The following KMT2C variants were observed in gnomAD, a reference collection of about 807,000 sequenced individuals.
KMT2C encodes histone-lysine N-methyltransferase 2C.
A neutral mutation model predicts 507.9 loss-of-function variants in KMT2C; 88 were observed. The observed-to-expected ratio is 0.17, with a 90% CI of 0.15 to 0.21. KMT2C has a LOEUF of 0.21. Among genes scored for constraint, KMT2C ranks in the 10% least tolerant of loss-of-function variants. The pLI, the probability that KMT2C is intolerant of heterozygous loss-of-function variation, is 1.00. For missense variants in KMT2C, 4,954 were observed against 5,957.8 expected (o/e 0.83, Z 5.55); for synonymous variants, 2,049 against 2,080.8 (o/e 0.98, Z 0.42).
At chr7:152,363,646 G>A (rs1201842462) in intron 1 of KMT2C, among the ~76,000 whole-genome samples, 1 of 152,148 alleles carries the variant, frequency 6.6e-6, no homozygotes, top group Non-Finnish European at 1.5e-5. Flanking sequence ...CTACCACACA[G>A]AGATAGGAAC....
chr7:152,163,175 G>T lies in KMT2C; in HGVS notation c.10402C>A (p.Pro3468Thr), dbSNP rs148065717. 1.2e-6 allele frequency: 2 copies of T among 1,614,170 alleles called. No homozygotes were observed. Among genetic ancestry groups the T allele is most frequent in the East Asian group, 2.2e-5 (1 of 44,886 alleles). ...LPCDFMQPLG[P>T]LQQSPQHQQQ... ...TGGTGTTGTGGAGACTGCTGAAGGG[G>T]TCCTAGAGGTTGCATAAAATCACAA... The change falls in exon 43 of 59, where the codon CCC becomes ACC. Residue 3468 changes from proline to threonine, a missense_variant. Physicochemically the swap from Pro to Thr is conservative, Grantham distance 38. Coordinates refer to ENST00000262189, the MANE Select transcript of KMT2C (RefSeq NM_170606.3).
At chr7:152,371,486 AAG>A (rs1196841339) in intron 1 of KMT2C, among the ~76,000 whole-genome samples, 1 of 152,208 alleles carries the variant, frequency 6.6e-6, no homozygotes, top group Non-Finnish European at 1.5e-5. Flanking sequence ...ACAAACTTAC[AAG>A]AGTCAGAAAA....
chr7:152,431,531 G>C (rs566894507), intron 1 of KMT2C, among the ~76,000 whole-genome samples: 5 of 151,832 alleles, frequency 3.3e-5, no homozygotes, highest in Non-Finnish European at 7.4e-5. Context: ...ACTTGAACCT[G>C]GGAGGCGGAA....
At chr7:152,218,167 T>G (rs1469680915) in intron 23 of KMT2C, among the ~76,000 whole-genome samples, 2 of 152,042 alleles carry the variant, frequency 1.3e-5, no homozygotes, top group Non-Finnish European at 2.9e-5. Flanking sequence ...ATCTTTTCAT[T>G]TATTTATTTA....
At chr7:152,158,782 T>G in intron 44 of KMT2C, 81 bp downstream of exon 44, 1 of 1,310,658 alleles carries the variant, frequency 7.6e-7, no homozygotes, top group Non-Finnish European at 1.1e-6. Flanking sequence ...CCCAAAGTGC[T>G]GGGATTACAG....
At chr7:152,327,915 G>A (rs906048407) in intron 3 of KMT2C, among the ~76,000 whole-genome samples, 6 of 141,724 alleles carry the variant, frequency 4.2e-5, no homozygotes, top group Non-Finnish European at 6.0e-5. Context: ...CCAAGATCGC[G>A]CCACTGCATT....
rs560589892 is a variant in KMT2C, at chr7:152,304,454, TGA to T, written c.849+5510_849+5511del. Among the ~76,000 whole-genome samples, 69 of 152,310 alleles carry T rather than the reference TGA, an allele frequency of 4.5e-4. 1 individual carries two copies. The highest frequency in any genetic ancestry group is 2.0e-3 in the Admixed American group (30 of 15,302). ...CAAGTTTCTTTTAAGGTGACAAACA[TGA>T]GAGTTTTTTGTTTTGTTTTTACAAC... On this transcript the variant is annotated intron_variant, in intron 6 of 58. Transcript: ENST00000262189.
chr7:152,324,373 T>C (rs1414252466), intron 3 of KMT2C, among the ~76,000 whole-genome samples: 1 of 151,816 alleles, frequency 6.6e-6, no homozygotes, highest in Non-Finnish European at 1.5e-5. Context: ...GTTAATTTAC[T>C]TGATTCAATC....
At chr7:152,388,141 A>G (rs1450949949) in intron 1 of KMT2C, among the ~76,000 whole-genome samples, 1 of 151,412 alleles carries the variant, frequency 6.6e-6, no homozygotes, top group Non-Finnish European at 1.5e-5. Context: ...AAAAATTGTA[A>G]CCTCTTATAA....
chr7:152,283,608 G>C (rs933678632), intron 6 of KMT2C, among the ~76,000 whole-genome samples: 1 of 152,170 alleles, frequency 6.6e-6, no homozygotes, highest in African/African-American at 2.4e-5. Context: ...CCAAACAGAT[G>C]TATGTAAAAA....
chr7:152,262,440 C>G (rs1180972410), intron 9 of KMT2C, among the ~76,000 whole-genome samples: 1 of 152,150 alleles, frequency 6.6e-6, no homozygotes, highest in African/African-American at 2.4e-5. Context: ...CCCACTGCCC[C>G]CAACCCGGCT....
intron 51 of KMT2C, among the ~76,000 whole-genome samples, 198 bp from the exon 52 acceptor site, chr7:152,149,350 C>A (rs549896381): frequency 1.3e-5 from 2 of 152,118 alleles, no homozygotes; most frequent in African/African-American, 4.8e-5. Context: ...GGATAGAGAG[C>A]GGGTGATGGC....
intron 9 of KMT2C, among the ~76,000 whole-genome samples, chr7:152,258,115 T>C (rs2095693127): frequency 6.6e-6 from 1 of 152,192 alleles, no homozygotes; most frequent in Non-Finnish European, 1.5e-5. Flanking sequence ...GAATCTGGGT[T>C]ACTTATTTAA....
At chr7:152,397,749 A>G (rs2097545786) in intron 1 of KMT2C, among the ~76,000 whole-genome samples, 1 of 152,090 alleles carries the variant, frequency 6.6e-6, no homozygotes, top group Non-Finnish European at 1.5e-5. Flanking sequence ...TAGTGAATAA[A>G]TCTCACGAGA....
At chr7:152,417,923 T>G (rs530525516) in intron 1 of KMT2C, among the ~76,000 whole-genome samples, 270 of 134,010 alleles carry the variant, frequency 2.0e-3, no homozygotes, top group African/African-American at 7.9e-3. Context: ...ATTACAGGCA[T>G]GAGCCACCGC....
At chr7:152,299,069 C>T (rs2096541515) in intron 6 of KMT2C, among the ~76,000 whole-genome samples, 1 of 152,144 alleles carries the variant, frequency 6.6e-6, no homozygotes, top group African/African-American at 2.4e-5. Context: ...CCTGTAATCC[C>T]AGCACTTTGG....
At chr7:152,349,203 T>G (rs2097090000) in intron 2 of KMT2C, among the ~76,000 whole-genome samples, 1 of 152,146 alleles carries the variant, frequency 6.6e-6, no homozygotes, top group Non-Finnish European at 1.5e-5. Context: ...CCCAGCATTT[T>G]GGGAGGCTGA....
chr7:152,344,473 CATTTAGT>C (rs2097032315), intron 2 of KMT2C, among the ~76,000 whole-genome samples: 2 of 152,100 alleles, frequency 1.3e-5, no homozygotes, highest in South Asian at 4.1e-4. Context: ...TGGAATTTCC[CATTTAGT>C]ATTTTCAGAC....
chr7:152,315,296 G>A lies in KMT2C; in HGVS notation c.432C>T (p.Ser144=). The A allele has an allele frequency of 1.2e-6, 2 of 1,613,920 alleles. No individual in the cohort carries two copies. Among genetic ancestry groups the A allele is most frequent in the South Asian group, 1.1e-5 (1 of 91,076 alleles). The part of the protein sequence containing the change: ...CAFCYCGEKS[S]LGQGDLKQFR... ...ATTGTTTTAAGTCTCCTTGTCCTAA[G>A]GAACTTTTTTCCCCACAGTAACAAA... Residue 144 remains serine, a synonymous_variant, in exon 4 of 59, where the codon TCC becomes TCT. Transcript: ENST00000262189.
Sources: gnomAD v4.1 joint callset for allele counts (sites outside exome capture counted in the v4.1 genomes callset) on GRCh38, gnomAD v4.1.1 for gene constraint, MANE v1.5 for transcripts, NCBI Gene and HGNC (gene_info 2026-07-23, HGNC 2026-07-21) for gene names.